Variants in CATSPERE observed in about 807,000 individuals in gnomAD.
The protein encoded by CATSPERE is cation channel sperm-associated auxiliary subunit epsilon.
In CATSPERE, 93 loss-of-function variants were observed where a neutral mutation model predicts 114.1. The ratio of observed to expected loss-of-function variants is 0.81; its 90% CI spans 0.69 to 0.97. CATSPERE has a LOEUF of 0.97. Among genes scored for constraint, CATSPERE ranks in the 50% least tolerant of loss-of-function variants. The probability of loss-of-function intolerance (pLI) is 0.00; values close to 1 mark genes in which losing one functional copy is unlikely to be tolerated. For missense variants in CATSPERE, 1,058 were observed against 1,131.6 expected, an observed-to-expected ratio of 0.93 and a Z score of 0.93; for synonymous variants, 341 against 384.1, an observed-to-expected ratio of 0.89 and a Z score of 1.31.
rs970964526 is a variant in CATSPERE at position 244,499,181 on chromosome 1, C to T, written c.429+102C>T. The T allele has an allele frequency of 7.2e-5, 55 of 764,308 alleles. 1 individual carries two copies. Among genetic ancestry groups the T allele is most frequent in the Admixed American group, 7.0e-4 (30 of 42,694 alleles). 47.3% of individuals were successfully genotyped at this position (764,308 alleles called of 1,614,324 possible). A position where few individuals can be genotyped will look rare whatever the true frequency, so the allele number is the denominator to read the frequency against. ...AATCAATAGACAGGATTTTAAGCTG[C>T]CCACACCTAACTAAATACATTTGCA... On this transcript the variant is annotated intron_variant, in intron 7 of 21. Coordinates refer to ENST00000366534, the MANE Select transcript of CATSPERE (RefSeq NM_001130957.2).
At chr1:244,486,047 C>G (rs988026645) in intron 5 of CATSPERE, among the ~76,000 whole-genome samples, 1 of 152,120 alleles carries the variant, frequency 6.6e-6, no homozygotes, top group African/African-American at 2.4e-5. Flanking sequence ...ACTCTTCTGC[C>G]ATTTCTGCAT....
In CATSPERE at chr1:244,573,279, C is replaced by G. The variant is rs574590409; in HGVS notation, c.1950+507C>G. Among the ~76,000 whole-genome samples the G allele has an allele frequency of 6.6e-6, 1 of 151,894 alleles. No individual in the cohort carries two copies. Among genetic ancestry groups the G allele is most frequent in the African/African-American group, 2.4e-5 (1 of 41,348 alleles). ...ACAAAAAATTAGCCAGGCGTCATGG[C>G]GGGTGCCTGTAGTCCCAGCTACTCG... On this transcript the variant is annotated intron_variant, in intron 11 of 21. Coordinates refer to ENST00000366534, the MANE Select transcript of CATSPERE (RefSeq NM_001130957.2). The surrounding 1 kb of genome is among the most constrained non-coding windows in gnomAD (Gnocchi z 4.0).
intron 13 of CATSPERE, among the ~76,000 whole-genome samples, chr1:244,584,762 C>T (rs964451190): frequency 7.2e-5 from 11 of 152,048 alleles, no homozygotes; most frequent in Admixed American, 6.5e-4. Context: ...GAGGAACCTG[C>T]GTTCCTACCA....
At chr1:244,483,324 G>A (rs570495429) in intron 5 of CATSPERE, among the ~76,000 whole-genome samples, 105 of 152,268 alleles carry the variant, frequency 6.9e-4, no homozygotes, top group African/African-American at 2.4e-3. Context: ...TATAAATGAA[G>A]GTTTCTCTAA....
chr1:244,619,680 G>A (rs1378605561), intron 20 of CATSPERE, among the ~76,000 whole-genome samples: 1 of 152,202 alleles, frequency 6.6e-6, no homozygotes, highest in African/African-American at 2.4e-5. Context: ...CTCCTGGTTT[G>A]GGGATGGGAG....
chr1:244,594,075 C>A (rs1007768238), intron 17 of CATSPERE, among the ~76,000 whole-genome samples: 3 of 152,186 alleles, frequency 2.0e-5, no homozygotes, highest in African/African-American at 7.2e-5. Flanking sequence ...AATCCCAGTG[C>A]TTTGGGAGGC....
intron 11 of CATSPERE, among the ~76,000 whole-genome samples, chr1:244,581,135 AT>A (rs1666113596): frequency 1.3e-5 from 2 of 152,210 alleles, no homozygotes; most frequent in South Asian, 4.2e-4. Context: ...CATTGCATGT[AT>A]ATTATATACA....
At position 244,575,391 on chromosome 1, in the gene CATSPERE, C is replaced by T. The variant is rs527577916; in HGVS notation, c.1950+2619C>T. Among the ~76,000 whole-genome samples the T allele has an allele frequency of 5.9e-4, 90 of 152,294 alleles. 1 individual carries two copies. Among genetic ancestry groups the T allele is most frequent in the Middle Eastern group, 3.4e-3 (1 of 294 alleles). ...GGAGAGGGACCTACCTCTTGGCTGC[C>T]GGGCTGCGCGGCATGGTATCCTGGC... is the stretch of plus-strand genomic sequence containing the variant. On this transcript the variant is annotated intron_variant, in intron 11 of 21. Coordinates refer to ENST00000366534, the MANE Select transcript of CATSPERE (RefSeq NM_001130957.2). The surrounding 1 kb of genome is among the most constrained non-coding windows in gnomAD (Gnocchi z 4.5).
chr1:244,593,660 A>G, intron 17 of CATSPERE, 82 bp downstream of exon 17: 1 of 1,088,562 alleles, frequency 9.2e-7, no homozygotes, highest in South Asian at 1.4e-5. Flanking sequence ...TTGATCATGC[A>G]TCTAACAACA....
upstream of CATSPERE, among the ~76,000 whole-genome samples, chr1:244,454,117 C>A (rs1665898379): frequency 6.6e-6 from 1 of 152,056 alleles, no homozygotes; most frequent in Non-Finnish European, 1.5e-5. Context: ...TGATGGAAGT[C>A]CAGCAGACCT....
At chr1:244,524,791 A>G (rs1048309376) in intron 8 of CATSPERE, among the ~76,000 whole-genome samples, 1 of 146,914 alleles carries the variant, frequency 6.8e-6, no homozygotes, top group African/African-American at 2.7e-5. Flanking sequence ...ACAATGAGAT[A>G]CCATCTCACA....
chr1:244,583,660 A>G (rs1156268026), intron 12 of CATSPERE, among the ~76,000 whole-genome samples: 1 of 152,180 alleles, frequency 6.6e-6, no homozygotes, highest in African/African-American at 2.4e-5. Flanking sequence ...AGGTGGGAGC[A>G]ACTTTACAAT....
intron 13 of CATSPERE, among the ~76,000 whole-genome samples, chr1:244,584,170 T>A (rs543386989): frequency 6.6e-6 from 1 of 152,220 alleles, no homozygotes; most frequent in African/African-American, 2.4e-5. Flanking sequence ...AAAAAATCAT[T>A]TATTCATTTA....
chr1:244,518,338 T>C (rs1384272628), intron 7 of CATSPERE, among the ~76,000 whole-genome samples: 1 of 152,222 alleles, frequency 6.6e-6, no homozygotes, highest in Non-Finnish European at 1.5e-5. Flanking sequence ...ATAGTTTCAG[T>C]GCATTCAGGA....
At chr1:244,617,830 A>T in intron 20 of CATSPERE, 144 bp downstream of exon 20, 1 of 674,536 alleles carries the variant, frequency 1.5e-6, no homozygotes, top group Non-Finnish European at 2.3e-6. Flanking sequence ...ATCACATGAA[A>T]CATTCTATGT....
chr1:244,605,669 ATCTT>A, intron 17 of CATSPERE, 22 bp from the exon 18 acceptor site: 1 of 1,477,482 alleles, frequency 6.8e-7, no homozygotes, highest in Non-Finnish European at 9.5e-7. Flanking sequence ...TTAAACTAGT[ATCTT>A]TCTGTTTGTT....
At chr1:244,528,825 A>ACTCTACTC (rs1679134674) in intron 8 of CATSPERE, among the ~76,000 whole-genome samples, 1 of 147,282 alleles carries the variant, frequency 6.8e-6, no homozygotes. Context: ...ACACACACAC[A>ACTCTACTC]CTCTACTCTT....
At chr1:244,484,206 T>TA (rs1670664087) in intron 5 of CATSPERE, among the ~76,000 whole-genome samples, 1 of 152,308 alleles carries the variant, frequency 6.6e-6, no homozygotes, top group Admixed American at 6.5e-5. Flanking sequence ...CTGTATTTTT[T>TA]AAATCTTAAC....
chr1:244,506,539 A>G (rs1558391397), intron 7 of CATSPERE, among the ~76,000 whole-genome samples: 1 of 152,174 alleles, frequency 6.6e-6, no homozygotes, highest in South Asian at 2.1e-4. Context: ...CAATTCCTCT[A>G]CAGCCTCACT....
Sources: gnomAD v4.1 joint callset for allele counts (sites outside exome capture counted in the v4.1 genomes callset) on GRCh38, gnomAD v4.1.1 for gene constraint, Gnocchi (gnomAD v3.1) non-coding constraint, MANE v1.5 for transcripts, NCBI Gene and HGNC (gene_info 2026-07-23, HGNC 2026-07-21) for gene names.